Variants in MEMO1 observed in about 807,000 individuals in gnomAD.
MEMO1 encodes the protein protein MEMO1.
Under a neutral mutation model 45.2 loss-of-function variants are expected in MEMO1, and 6 were observed. The ratio of observed to expected loss-of-function variants is 0.13; its 90% CI spans 0.07 to 0.26. The LOEUF is 0.26. Among genes scored for constraint, MEMO1 ranks in the 10% least tolerant of loss-of-function variants. The pLI is 1.00. For missense variants in MEMO1, 184 were observed against 370.5 expected (o/e 0.50, Z 4.13); for synonymous variants, 78 against 124.3 (o/e 0.63, Z 2.48).
Position 31,868,388 on chromosome 2 carries a change from A to G in MEMO1, c.867T>C (p.Tyr289=). ...AGTGGACCGTGAGTGCTCCAGCTGC[A>G]TAACTCACTGAACTGTCTTGCCAGT... ...CRNWQDSSVS[Y]AAGALTVH Residue 289 remains tyrosine, a synonymous_variant, in exon 10 of 10, where the codon TAT becomes TAC. Transcript: ENST00000404530. The G allele has an allele frequency of 1.3e-6, 2 of 1,578,864 alleles. No individual in the cohort carries two copies. The highest frequency in any genetic ancestry group is 8.6e-7 in the Non-Finnish European group (1 of 1,165,314).
chr2:31,907,746 T>C (rs934549179), intron 6 of MEMO1, among the ~76,000 whole-genome samples: 11 of 149,348 alleles, frequency 7.4e-5, no homozygotes, highest in Non-Finnish European at 1.2e-4. Context: ...TGAACCGAGA[T>C]CACATCACTG....
At chr2:32,010,881 G>T (rs866476471) in intron 1 of MEMO1, 61 bp downstream of exon 1, 1 of 152,482 alleles carries the variant, frequency 6.6e-6, no homozygotes, top group Non-Finnish European at 1.5e-5. Flanking sequence ...GCACACAAAA[G>T]CCCAGGGCCG....
chr2:31,872,045 A>ACACACACACACACACAC (rs1553355618), intron 8 of MEMO1, among the ~76,000 whole-genome samples: 1 of 151,694 alleles, frequency 6.6e-6, no homozygotes, highest in African/African-American at 2.4e-5. Flanking sequence ...ACACACACAC[A>ACACACACACACACACAC]AAGTTAAACC....
intron 6 of MEMO1, among the ~76,000 whole-genome samples, chr2:31,901,726 G>A (rs1297457283): frequency 6.6e-6 from 1 of 151,798 alleles, no homozygotes; most frequent in African/African-American, 2.4e-5. Flanking sequence ...GGCCAACATG[G>A]TGAAACCCCG....
At chr2:31,961,079 A>G (rs758201746) in intron 2 of MEMO1, among the ~76,000 whole-genome samples, 1 of 152,244 alleles carries the variant, frequency 6.6e-6, no homozygotes, top group African/African-American at 2.4e-5. Context: ...GCAAGAGGCC[A>G]GGTGCAGTGA....
chr2:31,968,069 G>T (rs908682006), intron 2 of MEMO1, among the ~76,000 whole-genome samples: 2 of 152,248 alleles, frequency 1.3e-5, no homozygotes, highest in Admixed American at 1.3e-4. Flanking sequence ...CAAAAGTCAG[G>T]AGTCCTGTGT....
intron 2 of MEMO1, among the ~76,000 whole-genome samples, chr2:31,948,670 G>C (rs934514244): frequency 1.3e-5 from 2 of 152,208 alleles, no homozygotes; most frequent in East Asian, 1.9e-4. Flanking sequence ...AGGCCAAAGC[G>C]GGTAGATCAT....
intron 6 of MEMO1, among the ~76,000 whole-genome samples, chr2:31,906,372 G>A (rs1024496235): frequency 6.6e-6 from 1 of 151,690 alleles, no homozygotes; most frequent in Non-Finnish European, 1.5e-5. Context: ...CGCCCAGGCT[G>A]GAGTGCAATG....
chr2:31,867,891 T>C lies in MEMO1; in HGVS notation c.*470A>G, dbSNP rs1042603811. ...ATCTGTTGTACAACATGGGTAGTAA[T>C]TGACTATAACTGGAGATTTATTATA... On this transcript the variant is annotated 3_prime_UTR_variant, in exon 10 of 10. Transcript: ENST00000404530. 3 of 152,494 alleles carry C rather than the reference T, an allele frequency of 2.0e-5. No individual in the cohort carries two copies. The highest frequency in any genetic ancestry group is 4.4e-5 in the Non-Finnish European group (3 of 67,996). 9.4% of individuals were successfully genotyped at this position (152,494 alleles called of 1,614,324 possible).
intron 4 of MEMO1, among the ~76,000 whole-genome samples, chr2:31,929,096 T>C (rs1212453783): frequency 6.6e-6 from 1 of 152,196 alleles, no homozygotes; most frequent in East Asian, 1.9e-4. Flanking sequence ...ATCTAGCCAG[T>C]TCTGGATTAC....
intron 6 of MEMO1, among the ~76,000 whole-genome samples, chr2:31,908,586 A>G (rs1045327042): frequency 6.6e-6 from 1 of 152,148 alleles, no homozygotes; most frequent in African/African-American, 2.4e-5. Flanking sequence ...AGCTAGCAGG[A>G]ATACTTAAAG....
chr2:31,914,613 C>T (rs984867625), intron 6 of MEMO1, among the ~76,000 whole-genome samples: 1 of 151,958 alleles, frequency 6.6e-6, no homozygotes, highest in Admixed American at 6.6e-5. Context: ...CATATATACA[C>T]CATGCACCCA....
intron 7 of MEMO1, among the ~76,000 whole-genome samples, chr2:31,891,043 T>C (rs1185114169): frequency 6.6e-6 from 1 of 152,112 alleles, no homozygotes; most frequent in African/African-American, 2.4e-5. Context: ...GCCAGATAAA[T>C]GTTGAATCAA....
At chr2:31,920,467 C>A (rs1037418577) in intron 5 of MEMO1, among the ~76,000 whole-genome samples, 1 of 152,046 alleles carries the variant, frequency 6.6e-6, no homozygotes, top group African/African-American at 2.4e-5. Flanking sequence ...TAAATTAACA[C>A]GCCCAGAATC....
chr2:31,973,104 T>A (rs774735112), intron 2 of MEMO1, among the ~76,000 whole-genome samples: 26 of 152,172 alleles, frequency 1.7e-4, no homozygotes, highest in Non-Finnish European at 3.7e-4. Context: ...CCTAAAGATG[T>A]TGAACACAGA....
intron 8 of MEMO1, among the ~76,000 whole-genome samples, chr2:31,872,349 T>C (rs986855426): frequency 3.9e-5 from 6 of 152,206 alleles, no homozygotes; most frequent in African/African-American, 1.4e-4. Flanking sequence ...GCATACATGT[T>C]GTAGGTGAAC....
chr2:31,896,079 G>A (rs924920233), intron 6 of MEMO1, among the ~76,000 whole-genome samples: 14 of 151,792 alleles, frequency 9.2e-5, no homozygotes, highest in Admixed American at 2.6e-4. Context: ...TCCTGACCTC[G>A]TGATCCGCCC....
intron 2 of MEMO1, among the ~76,000 whole-genome samples, chr2:31,990,727 G>A (rs1017217843): frequency 1.6e-4 from 25 of 151,916 alleles, no homozygotes; most frequent in African/African-American, 6.0e-4. Context: ...AACTTTTATA[G>A]CTTCTCAGTT....
intron 2 of MEMO1, among the ~76,000 whole-genome samples, chr2:31,967,872 G>C (rs1020081578): frequency 7.2e-5 from 11 of 152,160 alleles, no homozygotes; most frequent in Admixed American, 6.6e-4. Flanking sequence ...GTAAAGTACA[G>C]AAAGTAGTTA....
Sources: gnomAD v4.1 joint callset for allele counts (sites outside exome capture counted in the v4.1 genomes callset) on GRCh38, gnomAD v4.1.1 for gene constraint, MANE v1.5 for transcripts, NCBI Gene and HGNC (gene_info 2026-07-23, HGNC 2026-07-21) for gene names.